Variants in GRIP2 observed in about 807,000 individuals in gnomAD.
The protein encoded by GRIP2 is glutamate receptor-interacting protein 2.
GRIP2 carries 58 observed loss-of-function variants against 108.3 expected under a neutral mutation model. The ratio of observed to expected loss-of-function variants is 0.54; its 90% CI spans 0.43 to 0.67. GRIP2 has a LOEUF of 0.67. Ranked by LOEUF, GRIP2 falls within the 30% of genes least tolerant of loss-of-function variation. The pLI, the probability that GRIP2 is intolerant of heterozygous loss-of-function variation, is 0.00. For synonymous variants in GRIP2, 586 were observed against 598.2 expected (o/e 0.98, Z 0.30); for missense variants, 1,278 against 1,430.6 (o/e 0.89, Z 1.72).
At chr3:14,601,878 A>C in the GRIP2 span, among the ~76,000 whole-genome samples, 1 of 152,040 alleles carries the variant, frequency 6.6e-6, no homozygotes, top group Admixed American at 6.5e-5. Context: ...AAACTACTAA[A>C]AGCTTGCGGG....
chr3:14,572,839 C>T, the GRIP2 span: 12 of 1,091,364 alleles, frequency 1.1e-5, no homozygotes, highest in Non-Finnish European at 1.4e-5. Context: ...CCCTGGAGCC[C>T]GCAGCCAGCT....
intron 21 of GRIP2, among the ~76,000 whole-genome samples, chr3:14,498,414 G>A (rs898070752): frequency 1.2e-4 from 18 of 152,174 alleles, no homozygotes; most frequent in African/African-American, 4.1e-4. Context: ...AGTGAGCTGA[G>A]ACCATGCCAC....
In GRIP2 at chr3:14,512,881, G is replaced by A. The variant is rs1423854414; in HGVS notation, c.1640-24C>T. Reference sequence around the variant, plus strand: ...CTCTGGGGGTAGATGGACATAAACCGACGTGAGGACCCAGAGGAGGAGCCT... The same window carrying A: ...CTCTGGGGGTAGATGGACATAAACCAACGTGAGGACCCAGAGGAGGAGCCT... On this transcript the variant is annotated intron_variant, in intron 13 of 23. Coordinates refer to ENST00000621039, the MANE Select transcript of GRIP2 (RefSeq NM_001080423.4). The surrounding 1 kb of genome is among the most constrained non-coding windows in gnomAD (Gnocchi z 5.1). 8.1e-6 allele frequency: 13 copies of A among 1,608,626 alleles called. No individual in the cohort carries two copies. The highest frequency in any genetic ancestry group is 2.2e-5 in the East Asian group (1 of 44,848).
In GRIP2 at chr3:14,524,507, G is replaced by C; in HGVS notation, c.289C>G (p.Arg97Gly). The C allele has an allele frequency of 6.4e-7, 1 of 1,557,132 alleles. No homozygotes were observed. Among genetic ancestry groups the C allele is most frequent in the Non-Finnish European group, 8.7e-7 (1 of 1,150,084 alleles). The change falls in exon 4 of 24, where the codon CGG (arginine) becomes GGG (glycine). Residue 97 changes from arginine to glycine, a missense_variant. Coordinates refer to ENST00000621039, the MANE Select transcript of GRIP2 (RefSeq NM_001080423.4). The stretch of plus-strand genomic sequence containing the variant: ...GTCAGGTGGATCCCGTTCACAGACC[G>C]AATATAGTCACCAATGTTCAGCAGA... ...SDLLNIGDYI[R>G]SVNGIHLTRL...
the GRIP2 span, among the ~76,000 whole-genome samples, chr3:14,585,320 C>T: frequency 1.3e-5 from 2 of 152,246 alleles, no homozygotes; most frequent in Non-Finnish European, 2.9e-5. Flanking sequence ...CACGCCTGGC[C>T]ATATTATGGA....
intron 1 of GRIP2, among the ~76,000 whole-genome samples, chr3:14,533,741 T>A (rs1694765570): frequency 6.6e-6 from 1 of 152,084 alleles, no homozygotes. Context: ...GGTGCTAAAG[T>A]GGGTTACAGT....
At chr3:14,586,881 G>A in the GRIP2 span, among the ~76,000 whole-genome samples, 19 of 152,078 alleles carry the variant, frequency 1.2e-4, no homozygotes, top group Non-Finnish European at 2.5e-4. Context: ...TAATAATCCA[G>A]GGAAATACTG....
chr3:14,566,883 C>T, the GRIP2 span, among the ~76,000 whole-genome samples: 3 of 152,092 alleles, frequency 2.0e-5, no homozygotes, highest in Admixed American at 1.3e-4. Flanking sequence ...GAAGTTGGCC[C>T]TCTCTGAGGT....
rs1425113036 is a variant in GRIP2 at position 14,524,384 on chromosome 3, G to A, written c.403+9C>T. On this transcript the variant is annotated intron_variant, in intron 4 of 23. Coordinates refer to ENST00000621039, the MANE Select transcript of GRIP2 (RefSeq NM_001080423.4). ...CAGTGGAGAAAGTTCCCCGTCCAAG[G>A]GCACCCACCGGGCGGGGGCAGCTCA... 1.9e-6 allele frequency: 3 copies of A among 1,608,290 alleles called. No individual in the cohort carries two copies. Among genetic ancestry groups the A allele is most frequent in the Middle Eastern group, 1.7e-4 (1 of 5,972 alleles).
chr3:14,596,189 G>C, the GRIP2 span, among the ~76,000 whole-genome samples: 1 of 152,342 alleles, frequency 6.6e-6, no homozygotes, highest in Admixed American at 6.5e-5. Context: ...GCCTGAGAAA[G>C]GCTCTGAGGT....
At chr3:14,525,642 A>G in intron 2 of GRIP2, 70 bp from the exon 3 acceptor site, 1 of 1,575,674 alleles carries the variant, frequency 6.3e-7, no homozygotes, top group East Asian at 2.2e-5. Flanking sequence ...CTCTAAGATA[A>G]GCGAGGCGAG....
chr3:14,496,961 CT>C (rs56751492), intron 21 of GRIP2, among the ~76,000 whole-genome samples: 364 of 136,368 alleles, frequency 2.7e-3, no homozygotes, highest in African/African-American at 3.6e-3. Flanking sequence ...AGTCAAGACT[CT>C]TTTTTTTTTT....
rs773527449 is a variant in GRIP2 at position 14,513,664 on chromosome 3, C to A, written c.1639+1G>T. 1 of 1,606,124 alleles carries A rather than the reference C, an allele frequency of 6.2e-7. No individual in the cohort carries two copies. On this transcript the variant is annotated splice_donor_variant, in intron 13 of 23. Transcript: ENST00000621039. LOFTEE classifies it high-confidence loss of function. ...GGAGGAAGCTTGGGCCACTCACTCA[C>A]CCGCCACATCGAACTCCACCTCCAG...
the GRIP2 span, chr3:14,573,411 T>G: frequency 7.5e-7 from 1 of 1,326,722 alleles, no homozygotes; most frequent in Non-Finnish European, 1.1e-6. Context: ...GGACACCAGG[T>G]AGTGCAGGAT....
chr3:14,493,678 G>A lies in GRIP2; in HGVS notation c.3119C>T (p.Pro1040Leu), dbSNP rs773424280. ...RAPRSPGPSS[P>L]RML ...CACATGCTGACTTCAGAGCATCCGG[G>A]GACTGCTGGGGCCTGGCGATCGGGG... Residue 1040 changes from proline (P) to leucine (L), a missense_variant, in exon 24 of 24, where the codon CCC becomes CTC. Pro to Leu is a moderately conservative substitution (Grantham distance 98). Coordinates refer to ENST00000621039, the MANE Select transcript of GRIP2 (RefSeq NM_001080423.4). 40 of 1,603,236 alleles carry A rather than the reference G, an allele frequency of 2.5e-5. No individual in the cohort carries two copies. The East Asian group carries it at 7.0e-4, about 28-fold the overall frequency.
At chr3:14,580,191 A>G in the GRIP2 span, among the ~76,000 whole-genome samples, 2 of 152,230 alleles carry the variant, frequency 1.3e-5, no homozygotes, top group African/African-American at 4.8e-5. Flanking sequence ...CTCATTTACA[A>G]GTAGTCCATG....
rs1456972968 is a variant in GRIP2, at chr3:14,512,196, G to A, written c.1720+581C>T. 2.0e-5 allele frequency among the ~76,000 whole-genome samples: 3 copies of A among 152,150 alleles called. No homozygotes were observed. Among genetic ancestry groups the A allele is most frequent in the East Asian group, 1.9e-4 (1 of 5,188 alleles). On this transcript the variant is annotated intron_variant, in intron 14 of 23. Transcript: ENST00000621039. This position sits in a 1 kb window ranked among gnomAD's most constrained non-coding sequence, Gnocchi z 5.1. The stretch of plus-strand genomic sequence containing the variant: ...GGCAGGGAGCAGCCAGGCTGACTGC[G>A]GCTGGAGGGCTTGAGTTGGGGAGAG...
At chr3:14,551,584 C>T (rs1363672985) in intron 1 of GRIP2, among the ~76,000 whole-genome samples, 1 of 152,120 alleles carries the variant, frequency 6.6e-6, no homozygotes, top group Non-Finnish European at 1.5e-5. Flanking sequence ...TGTGGAGAGG[C>T]ATCGCTGTTT....
At chr3:14,528,099 ATC>A (rs1452304030) in intron 1 of GRIP2, among the ~76,000 whole-genome samples, 1 of 152,130 alleles carries the variant, frequency 6.6e-6, no homozygotes, top group East Asian at 1.9e-4. Flanking sequence ...ACAAGCACTT[ATC>A]TGTTTTCAGT....
Sources: gnomAD v4.1 joint callset for allele counts (sites outside exome capture counted in the v4.1 genomes callset) on GRCh38, gnomAD v4.1.1 for gene constraint, Gnocchi (gnomAD v3.1) non-coding constraint, MANE v1.5 for transcripts, NCBI Gene and HGNC (gene_info 2026-07-23, HGNC 2026-07-21) for gene names.